Variants in FBXL19 observed in about 807,000 individuals in gnomAD.
The protein encoded by FBXL19 is F-box/LRR-repeat protein 19.
In FBXL19, 16 loss-of-function variants were observed where a neutral mutation model predicts 71.2. The observed-to-expected ratio is 0.22, with a 90% confidence interval of 0.15 to 0.34. The LOEUF (loss-of-function observed/expected upper bound fraction) is 0.34. Ranked by LOEUF, FBXL19 falls within the 10% of genes least tolerant of loss-of-function variation. The probability of loss-of-function intolerance (pLI) is 1.00; values close to 1 mark genes in which losing one functional copy is unlikely to be tolerated. For missense variants in FBXL19, 658 were observed against 968.2 expected (o/e 0.68, Z 4.25); for synonymous variants, 447 against 409.4 (o/e 1.09, Z -1.11).
At chr16:30,934,310 C>G (rs901617447) in intron 7 of FBXL19, among the ~76,000 whole-genome samples, 1 of 150,312 alleles carries the variant, frequency 6.7e-6, no homozygotes, top group Non-Finnish European at 1.5e-5. Flanking sequence ...TGCAGTGGGC[C>G]GAGATCACAC....
In FBXL19 at chr16:30,930,230, CTT is replaced by C; in HGVS notation, c.948_949del (p.Ser317GlyfsTer6). Reference sequence around the variant, plus strand: ...TCGGACTCAGACTCCGACTCCGACTCTTCGGGCACATCGCTGAGTGAGGACGA... The same window carrying C: ...TCGGACTCAGACTCCGACTCCGACTCCGGGCACATCGCTGAGTGAGGACGA... On this transcript the variant is annotated frameshift_variant, in exon 7 of 11. Coordinates refer to ENST00000338343, the MANE Select transcript of FBXL19 (RefSeq NM_001382779.1). LOFTEE classifies it high-confidence loss of function. This position sits in a 1 kb window ranked among gnomAD's most constrained non-coding sequence, Gnocchi z 8.5. 1 of 1,613,048 alleles carries C rather than the reference CTT, an allele frequency of 6.2e-7. No individual in the cohort carries two copies. Among genetic ancestry groups the C allele is most frequent in the Non-Finnish European group, 8.5e-7 (1 of 1,179,884 alleles).
rs1289919959 is a variant in FBXL19, at chr16:30,924,003, G to C, written c.-481G>C. The C allele has an allele frequency of 2.7e-5, 4 of 150,536 alleles. No homozygotes were observed. Among genetic ancestry groups the C allele is most frequent in the East Asian group, 4.0e-4 (2 of 4,952 alleles). The allele number at this position is 150,536 out of a possible 1,614,324, so 9.3% of individuals were successfully genotyped here. A position where few individuals can be genotyped will look rare whatever the true frequency, so the allele number is the denominator to read the frequency against. Reference sequence around the variant, plus strand: ...CTTGAACCCCGGAAACGGTGGGGGGGGCCCAGGCCTGGCACTGGACCCCTG... The same window carrying C: ...CTTGAACCCCGGAAACGGTGGGGGGCGCCCAGGCCTGGCACTGGACCCCTG... On this transcript the variant is annotated 5_prime_UTR_variant, in exon 1 of 11. Transcript: ENST00000338343.
Position 30,927,566 on chromosome 16 carries a change from C to G in FBXL19, c.322-7C>G. On this transcript the variant is annotated splice_region_variant and splice_polypyrimidine_tract_variant and intron_variant, in intron 3 of 10. Coordinates refer to ENST00000338343, the MANE Select transcript of FBXL19 (RefSeq NM_001382779.1). ...CAACCCCCCACTCACTGCCCTCCTG[C>G]CTACAGATGGGGAAGGCTGAGGGTG... The G allele has an allele frequency of 1.9e-6, 3 of 1,556,478 alleles. No individual in the cohort carries two copies. Among genetic ancestry groups the G allele is most frequent in the South Asian group, 1.2e-5 (1 of 84,376 alleles).
chr16:30,936,591 A>G (rs2143355494), intron 7 of FBXL19, among the ~76,000 whole-genome samples: 1 of 144,924 alleles, frequency 6.9e-6, no homozygotes, highest in East Asian at 2.0e-4. Context: ...ACGCCTGGCT[A>G]ATTTTTTTTC....
intron 7 of FBXL19, among the ~76,000 whole-genome samples, chr16:30,939,414 T>G (rs907977741): frequency 2.8e-5 from 4 of 143,666 alleles, no homozygotes; most frequent in Non-Finnish European, 3.1e-5. Flanking sequence ...CTGGGGTTTT[T>G]TTTTTTGTTT....
upstream of FBXL19, chr16:30,923,149 TCAGGTAC>T (rs1242119925): frequency 2.2e-6 from 1 of 456,622 alleles, no homozygotes; most frequent in Non-Finnish European, 4.4e-6. Context: ...GCGACTCCCG[TCAGGTAC>T]CACACACGCG....
At chr16:30,933,877 C>T (rs570874297) in intron 7 of FBXL19, among the ~76,000 whole-genome samples, 19 of 151,224 alleles carry the variant, frequency 1.3e-4, no homozygotes, top group African/African-American at 4.4e-4. Context: ...CTCAGCCTCC[C>T]GAGTAGCTGG....
In FBXL19 at chr16:30,942,639, G is replaced by A. The variant is rs1305651129; in HGVS notation, c.1627+103G>A. On this transcript the variant is annotated intron_variant, in intron 9 of 10. Coordinates refer to ENST00000338343, the MANE Select transcript of FBXL19 (RefSeq NM_001382779.1). The surrounding 1 kb of genome is among the most constrained non-coding windows in gnomAD (Gnocchi z 5.7). ...CATGCTGGATGGTAAAGTATTTGAA[G>A]AAAGGAAAGAATACATGAGTTTGAA... 1 of 1,431,612 alleles carries A rather than the reference G, an allele frequency of 7.0e-7. No homozygotes were observed. The highest frequency in any genetic ancestry group is 2.5e-5 in the East Asian group (1 of 39,770). The allele number at this position is 1,431,612 out of a possible 1,614,324, so 88.7% of individuals were successfully genotyped here. A position where few individuals can be genotyped will look rare whatever the true frequency, so the allele number is the denominator to read the frequency against.
At chr16:30,923,210 T>C, upstream of FBXL19, 1 of 455,510 alleles carries the variant, frequency 2.2e-6, no homozygotes, top group Non-Finnish European at 4.4e-6. Flanking sequence ...GGGAAGGAGG[T>C]CGGGTCGGGG....
In FBXL19 at chr16:30,942,372, C is replaced by T. The variant is rs1007338814; in HGVS notation, c.1466-3C>T. 5.6e-6 allele frequency: 9 copies of T among 1,608,344 alleles called. 1 individual carries two copies. The highest frequency in any genetic ancestry group is 5.0e-5 in the Admixed American group (3 of 59,474). ...CTGCTTCCTGACTGCCCCCTCTCCG[C>T]AGGCCTGCAGGAGCTGGTGCTCTCT... On this transcript the variant is annotated splice_polypyrimidine_tract_variant and splice_region_variant and intron_variant, in intron 8 of 10. Transcript: ENST00000338343. This position sits in a 1 kb window ranked among gnomAD's most constrained non-coding sequence, Gnocchi z 5.7.
rs758592580 is a variant in FBXL19, at chr16:30,927,431, G to A, written c.301G>A (p.Val101Ile). The A allele has an allele frequency of 2.5e-6, 4 of 1,591,538 alleles. No individual in the cohort carries two copies. Among genetic ancestry groups the A allele is most frequent in the East Asian group, 2.3e-5 (1 of 43,916 alleles). ...GGAGTGTACAATCTGCAACGAGATC[G>A]TCCACCCCGGCTGCCTGAAGGTGAT... The part of the protein sequence containing the change: ...LMECTICNEI[V>I]HPGCLKMGKA... Residue 101 changes from valine (V) to isoleucine (I), a missense_variant, in exon 3 of 11, where the codon GTC (valine) becomes ATC (isoleucine). Physicochemically the swap from Val to Ile is conservative, Grantham distance 29. Transcript: ENST00000338343.
chr16:30,927,223 G>A (rs147151811), intron 2 of FBXL19, 85 bp from the exon 3 acceptor site: 12 of 1,410,980 alleles, frequency 8.5e-6, no homozygotes, highest in African/African-American at 1.5e-5. Context: ...CACCTCATCC[G>A]TCACCTGGCC....
intron 7 of FBXL19, among the ~76,000 whole-genome samples, chr16:30,936,135 C>T (rs2055729837): frequency 6.6e-6 from 1 of 152,188 alleles, no homozygotes. Flanking sequence ...GAAATGGAAG[C>T]CCACACAGGG....
upstream of FBXL19, chr16:30,923,283 C>G (rs1305842615): frequency 2.3e-6 from 1 of 443,370 alleles, no homozygotes; most frequent in East Asian, 7.1e-5. Context: ...CAACTGGGAG[C>G]CTCGGGGCAA....
intron 7 of FBXL19, among the ~76,000 whole-genome samples, chr16:30,938,905 G>A (rs1193192504): frequency 6.6e-6 from 1 of 151,894 alleles, no homozygotes; most frequent in African/African-American, 2.4e-5. Flanking sequence ...CAAAGTGCTG[G>A]GATTACAGGC....
chr16:30,940,977 G>T (rs1015755295), intron 7 of FBXL19, among the ~76,000 whole-genome samples: 3 of 152,090 alleles, frequency 2.0e-5, no homozygotes, highest in Non-Finnish European at 4.4e-5. Context: ...CCCACTGCAT[G>T]TTAGATAGTC....
chr16:30,926,532 C>A (rs537981320), intron 2 of FBXL19, among the ~76,000 whole-genome samples: 1 of 152,086 alleles, frequency 6.6e-6, no homozygotes, highest in Non-Finnish European at 1.5e-5. Context: ...TCCCTGGGCT[C>A]CAGAGCACGG....
chr16:30,932,494 G>A (rs1449418391), intron 7 of FBXL19, among the ~76,000 whole-genome samples: 3 of 152,218 alleles, frequency 2.0e-5, no homozygotes, highest in East Asian at 1.9e-4. Context: ...CAGACAAAGC[G>A]AGAGGCAATG....
Position 30,929,032 on chromosome 16 carries a change from C to T in FBXL19, c.789+404C>T, listed in dbSNP as rs190315922. Among the ~76,000 whole-genome samples the T allele has an allele frequency of 1.3e-3, 192 of 152,206 alleles. 1 individual carries two copies. The highest frequency in any genetic ancestry group is 2.8e-3 in the Admixed American group (43 of 15,282). On this transcript the variant is annotated intron_variant, in intron 6 of 10. Transcript: ENST00000338343. ...ATCCCGCAGAAGTGTATAAGTCTTA[C>T]GAGGTTCTGAAAGGCAATGAGCTTT...
Sources: gnomAD v4.1 joint callset for allele counts (sites outside exome capture counted in the v4.1 genomes callset) on GRCh38, gnomAD v4.1.1 for gene constraint, Gnocchi (gnomAD v3.1) non-coding constraint, MANE v1.5 for transcripts, NCBI Gene and HGNC (gene_info 2026-07-23, HGNC 2026-07-21) for gene names.